Variants in FSHR observed in about 807,000 individuals in gnomAD.
The protein encoded by FSHR is follicle stimulating hormone receptor.
In FSHR, 46 loss-of-function variants were observed where a neutral mutation model predicts 52.1. The ratio of observed to expected loss-of-function variants is 0.88; its 90% CI spans 0.70 to 1.13. FSHR has a LOEUF of 1.13. FSHR is among the 50% of genes most tolerant of loss of function. FSHR has a pLI of 0.00. For synonymous variants in FSHR, 399 were observed against 309.6 expected (o/e 1.29, Z -3.03); for missense variants, 964 against 834.6 (o/e 1.16, Z -1.91).
chr2:48,993,685 C>A (rs1035016227), intron 4 of FSHR, among the ~76,000 whole-genome samples: 11 of 152,160 alleles, frequency 7.2e-5, no homozygotes, highest in Admixed American at 7.2e-4. Context: ...CTTCTTACTG[C>A]CTACTCTTGC....
chr2:49,052,087 A>G (rs80156431), intron 2 of FSHR, among the ~76,000 whole-genome samples: 2,993 of 152,306 alleles, frequency 0.02, 91 homozygotes, highest in African/African-American at 0.056. Context: ...ACAGACTAAT[A>G]TTGCTACAAA....
rs550630617 is a variant in FSHR, at chr2:48,970,206, T to A, written c.669-1323A>T. On this transcript the variant is annotated intron_variant, in intron 8 of 9. Transcript: ENST00000406846. Reference sequence around the variant, plus strand: ...AATTATCTTGCTCAAAAATTTATAATGGCTTCCTATTGTCCAGTGAAACCC... The same window carrying A: ...AATTATCTTGCTCAAAAATTTATAAAGGCTTCCTATTGTCCAGTGAAACCC... Among the ~76,000 whole-genome samples, 8 of 152,350 alleles carry A rather than the reference T, an allele frequency of 5.3e-5. No individual in the cohort carries two copies. The East Asian group carries it at 9.6e-4, about 18-fold the overall frequency.
intron 1 of FSHR, among the ~76,000 whole-genome samples, chr2:49,113,617 G>T (rs1293468778): frequency 6.6e-6 from 1 of 152,100 alleles, no homozygotes; most frequent in Non-Finnish European, 1.5e-5. Flanking sequence ...TAACCCGTGA[G>T]AACAACATTT....
At chr2:49,081,412 T>G (rs1670164398) in intron 1 of FSHR, among the ~76,000 whole-genome samples, 1 of 152,288 alleles carries the variant, frequency 6.6e-6, no homozygotes, top group South Asian at 2.1e-4. Context: ...AAGTGGTGTC[T>G]TATGGGCATT....
intron 1 of FSHR, among the ~76,000 whole-genome samples, chr2:49,127,898 C>CTTCTTCTTCTTCTTCTTCTT (rs1558457105): frequency 3.7e-5 from 1 of 27,238 alleles, no homozygotes; most frequent in African/African-American, 1.8e-4. Context: ...TCTTCTTCTT[C>CTTCTTCTTCTTCTTCTTCTT]TTTTTTTTTT....
chr2:49,057,795 C>A (rs562897483), intron 2 of FSHR, among the ~76,000 whole-genome samples: 1 of 152,154 alleles, frequency 6.6e-6, no homozygotes, highest in South Asian at 2.1e-4. Flanking sequence ...AATCCAAAAC[C>A]AATAAGACAT....
intron 1 of FSHR, among the ~76,000 whole-genome samples, chr2:49,127,402 G>A (rs1672043733): frequency 6.6e-6 from 1 of 151,564 alleles, no homozygotes; most frequent in South Asian, 2.1e-4. Context: ...GCATATAAAA[G>A]AGTAGATGAG....
At chr2:48,981,921 C>T (rs1293029586) in intron 8 of FSHR, among the ~76,000 whole-genome samples, 2 of 152,192 alleles carry the variant, frequency 1.3e-5, no homozygotes, top group Non-Finnish European at 2.9e-5. Flanking sequence ...AGGCAGGCTA[C>T]ATAAGGATCA....
chr2:48,973,826 C>T (rs1294542677), intron 8 of FSHR, among the ~76,000 whole-genome samples: 3 of 152,174 alleles, frequency 2.0e-5, no homozygotes, highest in African/African-American at 7.2e-5. Flanking sequence ...TCTCCGACTT[C>T]CAGAAATTGC....
At chr2:49,139,689 C>T (rs778359115) in intron 1 of FSHR, among the ~76,000 whole-genome samples, 17 of 151,466 alleles carry the variant, frequency 1.1e-4, no homozygotes, top group Non-Finnish European at 2.4e-4. Flanking sequence ...GCTCCGTCTC[C>T]TGGGTTCACG....
chr2:48,999,513 T>G (rs1448410286), intron 4 of FSHR, among the ~76,000 whole-genome samples: 1 of 152,122 alleles, frequency 6.6e-6, no homozygotes, highest in Non-Finnish European at 1.5e-5. Flanking sequence ...ATGTGGTTCC[T>G]TATCTCTGCA....
intron 1 of FSHR, among the ~76,000 whole-genome samples, chr2:49,143,052 G>T (rs1672746963): frequency 6.6e-6 from 1 of 152,130 alleles, no homozygotes; most frequent in Non-Finnish European, 1.5e-5. Context: ...AGTCAGAAAT[G>T]GCACACATAT....
At chr2:48,990,523 A>C in intron 5 of FSHR, 43 bp downstream of exon 5, 1 of 1,257,266 alleles carries the variant, frequency 8.0e-7, no homozygotes, top group South Asian at 1.2e-5. Context: ...GGCAAGACAG[A>C]TACTGAGTAA....
chr2:49,125,692 A>G (rs190984528), intron 1 of FSHR, among the ~76,000 whole-genome samples: 142 of 152,318 alleles, frequency 9.3e-4, no homozygotes, highest in Non-Finnish European at 1.5e-3. Flanking sequence ...TTACCTGAGG[A>G]ATCTAAAATC....
At chr2:49,038,435 C>T (rs1668354812) in intron 2 of FSHR, among the ~76,000 whole-genome samples, 1 of 151,770 alleles carries the variant, frequency 6.6e-6, no homozygotes, top group Non-Finnish European at 1.5e-5. Flanking sequence ...TCCTGGCTAA[C>T]ACGGTGAAAC....
intron 1 of FSHR, among the ~76,000 whole-genome samples, chr2:49,098,833 ATATAT>A (rs1394030600): frequency 8.9e-5 from 13 of 146,432 alleles, no homozygotes; most frequent in South Asian, 2.1e-4. Flanking sequence ...ATTATATATT[ATATAT>A]TATATTATAT....
At chr2:48,998,887 C>G (rs1348413348) in intron 4 of FSHR, among the ~76,000 whole-genome samples, 1 of 151,968 alleles carries the variant, frequency 6.6e-6, no homozygotes, top group East Asian at 1.9e-4. Flanking sequence ...ATGCAAATAT[C>G]GAAGCATATT....
intron 1 of FSHR, among the ~76,000 whole-genome samples, chr2:49,153,985 A>G (rs1468481767): frequency 6.6e-6 from 1 of 152,194 alleles, no homozygotes; most frequent in African/African-American, 2.4e-5. Flanking sequence ...GAAACCCAAG[A>G]GCAAATGCAT....
At chr2:49,021,886 T>TATATAGAGAGAGAG (rs1273265515) in intron 2 of FSHR, among the ~76,000 whole-genome samples, 10 of 25,114 alleles carry the variant, frequency 4.0e-4, no homozygotes, top group Non-Finnish European at 5.9e-4. Flanking sequence ...TATATATATA[T>TATATAGAGAGAGAG]AGAGAGAGAG....
Sources: allele counts gnomAD v4.1 joint callset (sites outside exome capture counted in the v4.1 genomes callset), GRCh38; gene constraint gnomAD v4.1.1; transcripts MANE v1.5; gene names NCBI Gene and HGNC (gene_info 2026-07-23, HGNC 2026-07-21).